Variants in CELF4 observed in about 807,000 individuals in gnomAD.
CELF4 encodes the protein CUG-BP- and ETR-3-like factor 4.
In CELF4, 18 loss-of-function variants were observed where a neutral mutation model predicts 59.9. The ratio of observed to expected loss-of-function variants is 0.30; its 90% CI spans 0.21 to 0.45. The LOEUF is 0.45. Ranked by LOEUF, CELF4 falls within the 20% of genes least tolerant of loss-of-function variation. The pLI, the probability that CELF4 is intolerant of heterozygous loss-of-function variation, is 1.00. For missense variants in CELF4, 456 were observed against 689.0 expected (o/e 0.66, Z 3.79); for synonymous variants, 261 against 267.1 (o/e 0.98, Z 0.22).
chr18:37,373,911 A>G (rs2098934289), intron 2 of CELF4, among the ~76,000 whole-genome samples: 1 of 152,232 alleles, frequency 6.6e-6, no homozygotes, highest in Non-Finnish European at 1.5e-5. Context: ...CAGCAGCCAG[A>G]TGATCTACAG....
At chr18:37,324,194 G>A (rs1179119236) in intron 2 of CELF4, among the ~76,000 whole-genome samples, 1 of 152,112 alleles carries the variant, frequency 6.6e-6, no homozygotes, top group African/African-American at 2.4e-5. Flanking sequence ...CATTCTTTGA[G>A]CCTAGTCCAC....
chr18:37,319,244 T>C, intron 3 of CELF4, among the ~76,000 whole-genome samples: 1 of 152,190 alleles, frequency 6.6e-6, no homozygotes, highest in East Asian at 1.9e-4. Context: ...TGAGTGAGGA[T>C]GGCACTCCTC....
chr18:37,270,925 CAG>C lies in CELF4; in HGVS notation c.950-10_950-9del. Reference sequence around the variant, plus strand: ...CCGGAGGGGTGCTGCCACCTGGTTCCAGGCATACAGAAGGGTGGAGGAGGAGG... The same window carrying C: ...CCGGAGGGGTGCTGCCACCTGGTTCCGCATACAGAAGGGTGGAGGAGGAGG... On this transcript the variant is annotated splice_polypyrimidine_tract_variant and intron_variant, in intron 7 of 12. Transcript: ENST00000420428. 6.3e-7 allele frequency: 1 copy of C among 1,599,302 alleles called. No individual in the cohort carries two copies. The highest frequency in any genetic ancestry group is 2.2e-5 in the East Asian group (1 of 44,538).
chr18:37,562,377 CTTT>C (rs5824077), intron 1 of CELF4, among the ~76,000 whole-genome samples: 1 of 145,734 alleles, frequency 6.9e-6, no homozygotes, highest in African/African-American at 2.5e-5. Context: ...TTTCCTTTTC[CTTT>C]TTTTTTTTTT....
At chr18:37,332,148 G>A (rs2097566193) in intron 2 of CELF4, among the ~76,000 whole-genome samples, 3 of 152,138 alleles carry the variant, frequency 2.0e-5, no homozygotes. Context: ...GAAGACAGGA[G>A]CCTAAAGCTT....
At chr18:37,500,682 T>C (rs749238459) in intron 1 of CELF4, among the ~76,000 whole-genome samples, 6 of 152,060 alleles carry the variant, frequency 3.9e-5, no homozygotes, top group South Asian at 2.1e-4. Flanking sequence ...TACAGGCACC[T>C]GCCACCATGC....
chr18:37,412,187 G>C (rs1337267204), intron 2 of CELF4, among the ~76,000 whole-genome samples: 1 of 152,210 alleles, frequency 6.6e-6, no homozygotes, highest in Middle Eastern at 3.2e-3. Flanking sequence ...TCCATTGCTG[G>C]ACAAAACAGA....
intron 3 of CELF4, among the ~76,000 whole-genome samples, chr18:37,281,991 TACTA>T (rs1415418297): frequency 6.6e-6 from 1 of 152,206 alleles, no homozygotes; most frequent in Non-Finnish European, 1.5e-5. Context: ...GTCCTCCAGA[TACTA>T]ACTGAGGCTG....
chr18:37,403,497 G>T (rs1231858912), intron 2 of CELF4, among the ~76,000 whole-genome samples: 3 of 152,182 alleles, frequency 2.0e-5, no homozygotes, highest in Non-Finnish European at 1.5e-5. Flanking sequence ...TGGCTGGAGT[G>T]GAGGGACAGG....
intron 2 of CELF4, among the ~76,000 whole-genome samples, chr18:37,324,512 G>A (rs901214573): frequency 1.3e-4 from 20 of 152,182 alleles, no homozygotes; most frequent in African/African-American, 2.2e-4. Flanking sequence ...TCCAGCCTCC[G>A]GAGCTGTGAG....
intron 3 of CELF4, among the ~76,000 whole-genome samples, chr18:37,303,231 C>G (rs548707016): frequency 6.6e-6 from 1 of 152,228 alleles, no homozygotes; most frequent in Admixed American, 6.5e-5. Flanking sequence ...GCATTGAGGG[C>G]TAAGGGGATT....
chr18:37,352,182 C>A (rs2098455766), intron 2 of CELF4, among the ~76,000 whole-genome samples: 1 of 152,232 alleles, frequency 6.6e-6, no homozygotes, highest in African/African-American at 2.4e-5. Context: ...GAAGCCCAGA[C>A]CACACCTTTG....
chr18:37,268,150 C>T (rs898063395), intron 8 of CELF4, among the ~76,000 whole-genome samples: 3 of 152,092 alleles, frequency 2.0e-5, no homozygotes, highest in African/African-American at 4.8e-5. Flanking sequence ...GAGCAGGATG[C>T]GGCAGGGGAG....
intron 2 of CELF4, among the ~76,000 whole-genome samples, chr18:37,397,647 C>T (rs2099261709): frequency 6.6e-6 from 1 of 152,236 alleles, no homozygotes; most frequent in Non-Finnish European, 1.5e-5. Flanking sequence ...AGAAACCAGG[C>T]CCAGGGTGGG....
rs2099985142 is a variant in CELF4 at position 37,557,429 on chromosome 18, A to AT, written c.286+7926dup. On this transcript the variant is annotated intron_variant, in intron 1 of 12. Transcript: ENST00000420428. ...TGAACACAGTGGCTGTGCAGAAAGG[A>AT]TTTTTTGTCTTTAACAAAGAGGAGG... 2.6e-5 allele frequency among the ~76,000 whole-genome samples: 4 copies of AT among 152,298 alleles called. No individual in the cohort carries two copies. In the South Asian group the frequency reaches 6.2e-4, roughly 24 times the overall value.
chr18:37,562,835 T>C (rs536845597), intron 1 of CELF4, among the ~76,000 whole-genome samples: 1 of 152,272 alleles, frequency 6.6e-6, no homozygotes, highest in Admixed American at 6.5e-5. Flanking sequence ...AGGGACATTG[T>C]GGTCCAACCT....
At chr18:37,464,870 G>A (rs981212210) in intron 2 of CELF4, among the ~76,000 whole-genome samples, 42 of 152,324 alleles carry the variant, frequency 2.8e-4, no homozygotes, top group African/African-American at 9.6e-4. Context: ...AGTCCACGCT[G>A]ATGTTCTCAG....
At chr18:37,322,306 A>C (rs2097150562) in intron 2 of CELF4, among the ~76,000 whole-genome samples, 1 of 152,216 alleles carries the variant, frequency 6.6e-6, no homozygotes, top group African/African-American at 2.4e-5. Context: ...CACTGGCTGC[A>C]GATGGACCCC....
intron 2 of CELF4, among the ~76,000 whole-genome samples, chr18:37,444,788 C>T (rs2099743637): frequency 6.6e-6 from 1 of 152,098 alleles, no homozygotes; most frequent in South Asian, 2.1e-4. Context: ...AGACGAGGCT[C>T]CCCATTCCCT....
Sources: gnomAD v4.1 joint callset for allele counts (sites outside exome capture counted in the v4.1 genomes callset) on GRCh38, gnomAD v4.1.1 for gene constraint, MANE v1.5 for transcripts, NCBI Gene and HGNC (gene_info 2026-07-23, HGNC 2026-07-21) for gene names.